The following ASIC2 variants were observed in gnomAD, a reference collection of about 807,000 sequenced individuals.
The protein encoded by ASIC2 is acid sensing ion channel subunit 2.
In ASIC2, 25 loss-of-function variants were observed where a neutral mutation model predicts 57.3. The ratio of observed to expected loss-of-function variants is 0.44; its 90% CI spans 0.32 to 0.61. The LOEUF is 0.61. ASIC2 is among the 20% of genes least tolerant of loss of function. The pLI is 0.06. For synonymous variants in ASIC2, 319 were observed against 307.5 expected (o/e 1.04, Z -0.39); for missense variants, 641 against 738.1 (o/e 0.87, Z 1.52).
At chr17:33,174,182 G>C (rs1242561589) in intron 1 of ASIC2, among the ~76,000 whole-genome samples, 4 of 152,118 alleles carry the variant, frequency 2.6e-5, no homozygotes, top group Admixed American at 1.3e-4. Flanking sequence ...AGCACTTTGC[G>C]AGGCCAAGGC....
At chr17:33,805,288 T>A (rs4794973) in intron 1 of ASIC2, among the ~76,000 whole-genome samples, 2 of 152,188 alleles carry the variant, frequency 1.3e-5, no homozygotes, top group Non-Finnish European at 2.9e-5. Flanking sequence ...TTCTGCCATG[T>A]CTGTTGATTG....
At position 34,156,498 on chromosome 17, in the gene ASIC2, A is replaced by C; in HGVS notation, c.35T>G (p.Leu12Arg). 6.2e-7 allele frequency: 1 copy of C among 1,608,298 alleles called. No individual in the cohort carries two copies. The highest frequency in any genetic ancestry group is 8.5e-7 in the Non-Finnish European group (1 of 1,175,752). ...AAAGATCTGGATGCTAGAAGGTTGC[A>C]GGCTGCCCTCACTGGGGCTTTCCTT... The change falls in exon 1 of 10, where the codon CTG becomes CGG. Residue 12 changes from leucine (L) to arginine (R), a missense_variant. Coordinates refer to the ASIC2 transcript ENST00000359872. This position sits in a 1 kb window ranked among gnomAD's most constrained non-coding sequence, Gnocchi z 4.4.
intron 1 of ASIC2, among the ~76,000 whole-genome samples, chr17:33,369,186 G>A (rs1437121493): frequency 6.6e-6 from 1 of 152,138 alleles, no homozygotes; most frequent in Non-Finnish European, 1.5e-5. Flanking sequence ...TTCCAGGAGG[G>A]TCACCAAGAA....
chr17:33,227,263 T>C lies in ASIC2; in HGVS notation c.708+64145A>G, dbSNP rs76008608. The stretch of plus-strand genomic sequence containing the variant: ...GATGTCTGATGAAATGGGAATAAAG[T>C]CTTCTAGAATTGTGTCATTTACCCT... On this transcript the variant is annotated intron_variant, in intron 1 of 9. Transcript: ENST00000225823. Among the ~76,000 whole-genome samples the C allele has an allele frequency of 0.01, 1,587 of 152,298 alleles. 63 individuals carry two copies. In the East Asian group the frequency reaches 0.14, roughly 13 times the overall value.
intron 1 of ASIC2, among the ~76,000 whole-genome samples, chr17:33,759,805 A>T (rs1910725476): frequency 6.6e-6 from 1 of 152,172 alleles, no homozygotes; most frequent in Non-Finnish European, 1.5e-5. Context: ...TGTGGTGCTA[A>T]TTCTATAGGA....
chr17:33,055,262 G>A (rs933444154), intron 3 of ASIC2, among the ~76,000 whole-genome samples: 21 of 152,116 alleles, frequency 1.4e-4, no homozygotes, highest in African/African-American at 4.6e-4. Flanking sequence ...GGAATTCCTT[G>A]GGTGTCCCCC....
intron 1 of ASIC2, among the ~76,000 whole-genome samples, chr17:33,566,646 C>T (rs1916242978): frequency 6.6e-6 from 1 of 152,172 alleles, no homozygotes; most frequent in Non-Finnish European, 1.5e-5. Context: ...TTGCAATGCT[C>T]CTGAGCCACC....
intron 1 of ASIC2, among the ~76,000 whole-genome samples, chr17:33,452,738 G>GGTGTAT (rs1912299200): frequency 7.1e-6 from 1 of 140,408 alleles, no homozygotes; most frequent in African/African-American, 2.7e-5. Context: ...AACAGAGTGG[G>GGTGTAT]GTGTGTGTGT....
intron 1 of ASIC2, among the ~76,000 whole-genome samples, chr17:33,450,355 G>A (rs1375937317): frequency 1.3e-5 from 2 of 152,148 alleles, no homozygotes; most frequent in African/African-American, 2.4e-5. Flanking sequence ...CTCCCTCATG[G>A]GAGGTGAGCC....
At chr17:33,375,795 G>T (rs1909254485) in intron 1 of ASIC2, among the ~76,000 whole-genome samples, 1 of 152,210 alleles carries the variant, frequency 6.6e-6, no homozygotes. Context: ...TATCGAAAAG[G>T]ACAGGAGCCA....
chr17:33,193,531 ATC>A lies in ASIC2; in HGVS notation c.709-81466_709-81465del, dbSNP rs1567779879. The stretch of plus-strand genomic sequence containing the variant: ...GGAGGCCTGCCCTCTGTCTGCTGGA[ATC>A]TGCACCCACCATGCAGAAGGCTGGA... On this transcript the variant is annotated intron_variant, in intron 1 of 9. Transcript: ENST00000225823. Among the ~76,000 whole-genome samples the A allele has an allele frequency of 3.3e-5, 5 of 152,272 alleles. No homozygotes were observed. In the South Asian group the frequency reaches 1.0e-3, roughly 32 times the overall value.
intron 1 of ASIC2, among the ~76,000 whole-genome samples, chr17:33,232,767 T>C (rs77299684): frequency 0.049 from 7,502 of 152,262 alleles, 365 homozygotes; most frequent in African/African-American, 0.12. Flanking sequence ...AACCCATTAA[T>C]ATGCATCTCT....
At chr17:33,909,761 AG>A (rs1915422344) in intron 1 of ASIC2, among the ~76,000 whole-genome samples, 1 of 152,366 alleles carries the variant, frequency 6.6e-6, no homozygotes, top group South Asian at 2.1e-4. Context: ...TTTGGGGGTG[AG>A]AAGATATTTC....
At chr17:33,846,023 C>G (rs970841624) in intron 1 of ASIC2, among the ~76,000 whole-genome samples, 1 of 152,152 alleles carries the variant, frequency 6.6e-6, no homozygotes, top group Non-Finnish European at 1.5e-5. Flanking sequence ...ACCACATAGT[C>G]GTTTTCTGAA....
chr17:34,023,128 T>C (rs1420926411), intron 1 of ASIC2, among the ~76,000 whole-genome samples: 2 of 152,090 alleles, frequency 1.3e-5, no homozygotes, highest in East Asian at 3.9e-4. Flanking sequence ...CTTTATAAAT[T>C]ACCCAGTCTC....
chr17:34,069,725 T>C (rs1329745243), intron 1 of ASIC2: 2 of 152,248 alleles, frequency 1.3e-5, no homozygotes, highest in African/African-American at 4.8e-5. Flanking sequence ...CAAACCTCTC[T>C]TAGCCATTCA....
At chr17:33,092,448 G>T (rs899838713) in intron 2 of ASIC2, among the ~76,000 whole-genome samples, 1 of 152,248 alleles carries the variant, frequency 6.6e-6, no homozygotes, top group Non-Finnish European at 1.5e-5. Context: ...CACTTTGGAG[G>T]TTCCCAAGCT....
intron 1 of ASIC2, among the ~76,000 whole-genome samples, chr17:33,826,467 A>T (rs569343890): frequency 4.6e-5 from 7 of 152,198 alleles, no homozygotes; most frequent in African/African-American, 1.7e-4. Context: ...CTCAGACTGA[A>T]TTTTTTCATG....
intron 1 of ASIC2, among the ~76,000 whole-genome samples, chr17:33,139,050 G>A (rs1390981524): frequency 6.6e-6 from 1 of 152,160 alleles, no homozygotes; most frequent in Non-Finnish European, 1.5e-5. Context: ...TGTAAAGTGG[G>A]AGGGCAGGGC....
Sources: allele counts gnomAD v4.1 joint callset (sites outside exome capture counted in the v4.1 genomes callset), GRCh38; gene constraint gnomAD v4.1.1; non-coding constraint Gnocchi (gnomAD v3.1); transcripts MANE v1.5; gene names NCBI Gene and HGNC (gene_info 2026-07-23, HGNC 2026-07-21).